LMBRD1: variants seen among roughly 807,000 people sequenced by gnomAD.
The protein encoded by LMBRD1 is lysosomal cobalamin transport escort protein LMBD1.
A neutral mutation model predicts 74.8 loss-of-function variants in LMBRD1; 64 were observed. That is an observed-to-expected ratio of 0.86 (90% CI 0.70 to 1.05). The LOEUF is 1.05. Among genes scored for constraint, LMBRD1 ranks in the 50% least tolerant of loss-of-function variants. LMBRD1 has a pLI of 0.00. For synonymous variants in LMBRD1, 204 were observed against 216.3 expected, an observed-to-expected ratio of 0.94 and a Z score of 0.50; for missense variants, 652 against 645.9, an observed-to-expected ratio of 1.01 and a Z score of -0.10.
chr6:69,691,736 C>A (rs892126488), intron 14 of LMBRD1, among the ~76,000 whole-genome samples: 1 of 151,778 alleles, frequency 6.6e-6, no homozygotes, highest in Admixed American at 6.6e-5. Flanking sequence ...ATTAGCTGGG[C>A]GTGGTGGCGG....
At chr6:69,790,263 GA>G (rs761367941) in intron 2 of LMBRD1, 32 bp downstream of exon 2, 8 of 1,500,472 alleles carry the variant, frequency 5.3e-6, no homozygotes, top group African/African-American at 1.4e-5. Flanking sequence ...AATTTGAAAG[GA>G]AAAAAAATCT....
chr6:69,747,745 G>A lies in LMBRD1; in HGVS notation c.473+1596C>T, dbSNP rs1765022491. The stretch of plus-strand genomic sequence containing the variant: ...ACCTTTAGCCCTAAGATCTAGCACA[G>A]TATCCAACACATAAGTGTTTCAAAA... On this transcript the variant is annotated intron_variant, in intron 5 of 15. Coordinates refer to ENST00000649934, the MANE Select transcript of LMBRD1 (RefSeq NM_018368.4). 3.3e-5 allele frequency among the ~76,000 whole-genome samples: 5 copies of A among 152,294 alleles called. No homozygotes were observed. The South Asian group carries it at 1.0e-3, about 32-fold the overall frequency.
intron 3 of LMBRD1, among the ~76,000 whole-genome samples, chr6:69,766,032 C>T (rs904537881): frequency 6.6e-6 from 1 of 151,668 alleles, no homozygotes; most frequent in African/African-American, 2.4e-5. Context: ...TCTTATATCA[C>T]CTGTGAAAGT....
chr6:69,780,609 T>C, intron 2 of LMBRD1, 55 bp from the exon 3 acceptor site: 1 of 1,372,758 alleles, frequency 7.3e-7, no homozygotes, highest in East Asian at 2.3e-5. Flanking sequence ...TGCCTAACAA[T>C]TAAAAGTCAA....
At chr6:69,758,346 A>T (rs1765309274) in intron 3 of LMBRD1, among the ~76,000 whole-genome samples, 1 of 152,174 alleles carries the variant, frequency 6.6e-6, no homozygotes, top group Non-Finnish European at 1.5e-5. Flanking sequence ...TGGGAATTCT[A>T]AAAGCCTTCT....
At chr6:69,727,333 C>T (rs558317467) in intron 7 of LMBRD1, among the ~76,000 whole-genome samples, 2 of 152,166 alleles carry the variant, frequency 1.3e-5, no homozygotes, top group East Asian at 1.9e-4. Context: ...TACGTACCCA[C>T]GAAAATTAAA....
rs550534848 is a variant in LMBRD1 at position 69,710,710 on chromosome 6, T to C, written c.915+2935A>G. ...TTTTACAGAAAATAGCCAATAAGCA[T>C]ACAAAAAGATGCTAAATATCATTTA... On this transcript the variant is annotated intron_variant, in intron 9 of 15. Coordinates refer to ENST00000649934, the MANE Select transcript of LMBRD1 (RefSeq NM_018368.4). Among the ~76,000 whole-genome samples the C allele has an allele frequency of 4.6e-5, 7 of 152,158 alleles. No individual in the cohort carries two copies. In the East Asian group the frequency reaches 7.7e-4, roughly 17 times the overall value.
chr6:69,710,243 G>A (rs1388173631), intron 9 of LMBRD1, among the ~76,000 whole-genome samples: 1 of 151,756 alleles, frequency 6.6e-6, no homozygotes, highest in Non-Finnish European at 1.5e-5. Flanking sequence ...TCCAAGGAAA[G>A]CCAATGAGCA....
intron 9 of LMBRD1, chr6:69,705,161 G>A (rs1766225481): frequency 2.0e-6 from 1 of 490,602 alleles, no homozygotes; most frequent in Non-Finnish European, 3.7e-6. Context: ...ATGGAGCCTG[G>A]ACAACATTTA....
chr6:69,745,291 G>T (rs1301789116), intron 5 of LMBRD1, among the ~76,000 whole-genome samples: 1 of 137,834 alleles, frequency 7.3e-6, no homozygotes, highest in African/African-American at 2.7e-5. Flanking sequence ...TCGCTCTGTC[G>T]CCCAGGTCGG....
chr6:69,707,546 G>A (rs1003946958), intron 9 of LMBRD1, among the ~76,000 whole-genome samples: 4 of 151,984 alleles, frequency 2.6e-5, no homozygotes, highest in Non-Finnish European at 4.4e-5. Context: ...TGTCTAGTAT[G>A]TCTTTAAACA....
chr6:69,740,724 T>C (rs1205452673), intron 6 of LMBRD1, among the ~76,000 whole-genome samples: 2 of 152,210 alleles, frequency 1.3e-5, no homozygotes, highest in African/African-American at 4.8e-5. Context: ...ACAGTACCTA[T>C]TAGAATAGTC....
intron 9 of LMBRD1, among the ~76,000 whole-genome samples, chr6:69,704,909 T>TTTTTG (rs1554232085): frequency 6.4e-5 from 8 of 125,374 alleles, no homozygotes; most frequent in African/African-American, 2.2e-4. Context: ...GGACATTTGT[T>TTTTTG]TTTTTTTTTT....
chr6:69,748,662 CTAATA>C (rs141000689), intron 5 of LMBRD1, among the ~76,000 whole-genome samples: 1,571 of 151,974 alleles, frequency 0.01, 30 homozygotes, highest in African/African-American at 0.037. Context: ...TTATTAACTC[CTAATA>C]TATTTCCTAA....
intron 1 of LMBRD1, among the ~76,000 whole-genome samples, chr6:69,791,364 T>G (rs1010287748): frequency 2.0e-5 from 3 of 151,998 alleles, no homozygotes; most frequent in African/African-American, 7.2e-5. Flanking sequence ...TCATAGGGAG[T>G]TGCAGACAGA....
At chr6:69,700,322 G>T (rs1766098503) in intron 12 of LMBRD1, among the ~76,000 whole-genome samples, 1 of 151,770 alleles carries the variant, frequency 6.6e-6, no homozygotes, top group Non-Finnish European at 1.5e-5. Context: ...TTTACTAATA[G>T]GGAGGGCTAT....
intron 3 of LMBRD1, among the ~76,000 whole-genome samples, chr6:69,776,166 G>A (rs959759296): frequency 6.6e-6 from 1 of 152,078 alleles, no homozygotes; most frequent in Non-Finnish European, 1.5e-5. Context: ...TGTCTTATTT[G>A]GCATTTGACA....
chr6:69,679,600 A>G (rs564470085), intron 14 of LMBRD1, among the ~76,000 whole-genome samples: 61 of 152,130 alleles, frequency 4.0e-4, no homozygotes, highest in Non-Finnish European at 7.4e-4. Flanking sequence ...TTGAAATCTG[A>G]CAAGATTCCA....
chr6:69,775,323 T>C (rs1765677151), intron 3 of LMBRD1, among the ~76,000 whole-genome samples: 1 of 152,160 alleles, frequency 6.6e-6, no homozygotes, highest in Admixed American at 6.5e-5. Flanking sequence ...CAGCCTGATT[T>C]CTGCCAGCTT....
Sources: gnomAD v4.1 joint callset for allele counts (sites outside exome capture counted in the v4.1 genomes callset) on GRCh38, gnomAD v4.1.1 for gene constraint, MANE v1.5 for transcripts, NCBI Gene and HGNC (gene_info 2026-07-23, HGNC 2026-07-21) for gene names.